Variants in FPR3 observed in about 807,000 individuals in gnomAD.
The protein encoded by FPR3 is N-formyl peptide receptor 3.
For missense variants in FPR3, 346 were observed against 443.2 expected, an observed-to-expected ratio of 0.78 and a Z score of 1.97; for synonymous variants, 135 against 163.6, an observed-to-expected ratio of 0.83 and a Z score of 1.34.
chr19:51,796,832 G>A (rs758202992), intron 1 of FPR3, among the ~76,000 whole-genome samples: 38 of 152,162 alleles, frequency 2.5e-4, no homozygotes, highest in Non-Finnish European at 4.4e-4. Context: ...GGACTCCCAC[G>A]GGGAGAGGTT....
intron 1 of FPR3, among the ~76,000 whole-genome samples, chr19:51,809,857 C>A (rs928344291): frequency 6.6e-6 from 1 of 152,076 alleles, no homozygotes; most frequent in East Asian, 1.9e-4. Flanking sequence ...GGAACCCATG[C>A]CTGGAACGGG....
At chr19:51,806,375 G>A (rs1200646077) in intron 1 of FPR3, among the ~76,000 whole-genome samples, 2 of 152,164 alleles carry the variant, frequency 1.3e-5, no homozygotes, top group Non-Finnish European at 2.9e-5. Flanking sequence ...TTCTTCTGGG[G>A]ATTTCCATAA....
intron 1 of FPR3, among the ~76,000 whole-genome samples, chr19:51,813,824 G>C (rs193291782): frequency 2.0e-5 from 3 of 152,102 alleles, no homozygotes; most frequent in African/African-American, 7.2e-5. Context: ...ATAAGCCACC[G>C]CAGCTGGCCG....
intron 1 of FPR3, among the ~76,000 whole-genome samples, chr19:51,796,013 C>T (rs377186796): frequency 5.9e-5 from 9 of 152,202 alleles, no homozygotes; most frequent in Middle Eastern, 3.4e-3. Context: ...GTGGAGCTTA[C>T]GTACTAGTGT....
At chr19:51,822,198 A>G (rs2084194957) in intron 1 of FPR3, among the ~76,000 whole-genome samples, 1 of 152,196 alleles carries the variant, frequency 6.6e-6, no homozygotes, top group South Asian at 2.1e-4. Flanking sequence ...TCTTAAAAGC[A>G]AGGAAATAGA....
intron 1 of FPR3, among the ~76,000 whole-genome samples, chr19:51,813,119 AACACACACACACACAC>A (rs35245083): frequency 2.9e-5 from 4 of 137,122 alleles, no homozygotes; most frequent in South Asian, 2.4e-4. Flanking sequence ...GCTCTGTCTC[AACACACACACACACAC>A]ACACACACAC....
At chr19:51,806,202 C>T (rs962516144) in intron 1 of FPR3, among the ~76,000 whole-genome samples, 5 of 152,156 alleles carry the variant, frequency 3.3e-5, no homozygotes, top group East Asian at 1.9e-4. Flanking sequence ...TGGCTCGTAC[C>T]GGAGGGACTG....
At chr19:51,812,776 G>T (rs1011261999) in intron 1 of FPR3, among the ~76,000 whole-genome samples, 2 of 152,126 alleles carry the variant, frequency 1.3e-5, no homozygotes, top group African/African-American at 4.8e-5. Context: ...TCGTCTCTTA[G>T]TCCATTCAAG....
At position 51,825,562 on chromosome 19, in the gene FPR3, CAA is replaced by C. The variant is rs1437549960; in HGVS notation, c.*754_*755del. ...AGGCTTAATACACCCAACATTATAA[CAA>C]AGGACTGTAGCAAGGGCTATGGGAG... is the stretch of plus-strand genomic sequence containing the variant. On this transcript the variant is annotated 3_prime_UTR_variant, in exon 2 of 2. Coordinates refer to ENST00000339223, the MANE Select transcript of FPR3 (RefSeq NM_002030.5). The C allele has an allele frequency of 6.0e-6, 1 of 167,088 alleles. No individual in the cohort carries two copies. The highest frequency in any genetic ancestry group is 2.4e-5 in the African/African-American group (1 of 41,452). 10.4% of individuals were successfully genotyped at this position (167,088 alleles called of 1,614,324 possible).
At chr19:51,798,428 A>C (rs1452874364) in intron 1 of FPR3, among the ~76,000 whole-genome samples, 3 of 152,194 alleles carry the variant, frequency 2.0e-5, no homozygotes, top group Non-Finnish European at 4.4e-5. Flanking sequence ...CCTGAGCTAC[A>C]CTAAACAATG....
intron 1 of FPR3, among the ~76,000 whole-genome samples, chr19:51,805,549 G>A (rs531972031): frequency 5.3e-5 from 8 of 152,298 alleles, no homozygotes; most frequent in South Asian, 4.1e-4. Flanking sequence ...ACACAAATAC[G>A]AGTGTGATTA....
At chr19:51,822,358 G>C (rs1240274633) in intron 1 of FPR3, among the ~76,000 whole-genome samples, 2 of 152,156 alleles carry the variant, frequency 1.3e-5, no homozygotes, top group East Asian at 1.9e-4. Flanking sequence ...ATGGAGGAGG[G>C]ATACCTTCCC....
In FPR3 at chr19:51,800,022, G is replaced by A. The variant is rs577240367; in HGVS notation, c.-11+4691G>A. On this transcript the variant is annotated intron_variant, in intron 1 of 1. Coordinates refer to ENST00000339223, the MANE Select transcript of FPR3 (RefSeq NM_002030.5). The stretch of plus-strand genomic sequence containing the variant: ...TGGGCCACCAGGCTCCTGGGGAGCA[G>A]CGATTCCACCATAGTGAAGTTGAAG... Among the ~76,000 whole-genome samples, 148 of 152,364 alleles carry A rather than the reference G, an allele frequency of 9.7e-4. 1 individual carries two copies. The highest frequency in any genetic ancestry group is 1.7e-3 in the Non-Finnish European group (118 of 68,028).
chr19:51,819,743 T>C (rs1194773890), intron 1 of FPR3, among the ~76,000 whole-genome samples: 1 of 152,210 alleles, frequency 6.6e-6, no homozygotes, highest in Non-Finnish European at 1.5e-5. Flanking sequence ...TGGCTAGGAA[T>C]TCTCTTTACA....
chr19:51,798,231 G>C (rs1004084110), intron 1 of FPR3, among the ~76,000 whole-genome samples: 2 of 152,044 alleles, frequency 1.3e-5, no homozygotes, highest in African/African-American at 4.8e-5. Context: ...GAGGGGGTGG[G>C]AGGTATTTTG....
chr19:51,795,347 A>G lies in FPR3; in HGVS notation c.-11+16A>G, dbSNP rs979012103. On this transcript the variant is annotated intron_variant, in intron 1 of 1. Coordinates refer to ENST00000339223, the MANE Select transcript of FPR3 (RefSeq NM_002030.5). ...TAAGCTGGTGGTAAGTTGGGGTCTG[A>G]AAATTTTAAAGTTATTGTTGAAATG... The G allele has an allele frequency of 6.6e-6, 1 of 152,126 alleles. No homozygotes were observed. Among genetic ancestry groups the G allele is most frequent in the Non-Finnish European group, 1.5e-5 (1 of 68,022 alleles). 9.4% of individuals were successfully genotyped at this position (152,126 alleles called of 1,614,324 possible).
intron 1 of FPR3, among the ~76,000 whole-genome samples, chr19:51,817,025 T>C (rs1475933686): frequency 6.6e-6 from 1 of 152,192 alleles, no homozygotes; most frequent in East Asian, 1.9e-4. Context: ...GACTCTCATA[T>C]TCCTTGACCC....
chr19:51,808,388 C>T (rs2084074466), intron 1 of FPR3, among the ~76,000 whole-genome samples: 1 of 152,228 alleles, frequency 6.6e-6, no homozygotes, highest in East Asian at 1.9e-4. Flanking sequence ...TAGTCAAAGC[C>T]TGCTTTGTTT....
At chr19:51,814,991 G>A (rs931636204) in intron 1 of FPR3, among the ~76,000 whole-genome samples, 3 of 151,334 alleles carry the variant, frequency 2.0e-5, no homozygotes, top group African/African-American at 7.3e-5. Flanking sequence ...CGTATTTTTA[G>A]TAGAGGCGGG....
Sources: allele counts gnomAD v4.1 joint callset (sites outside exome capture counted in the v4.1 genomes callset), GRCh38; gene constraint gnomAD v4.1.1; transcripts MANE v1.5; gene names NCBI Gene and HGNC (gene_info 2026-07-23, HGNC 2026-07-21).